The following SHISA9 variants were observed in gnomAD, a reference collection of about 807,000 sequenced individuals.
The protein encoded by SHISA9 is shisa family member 9.
Under a neutral mutation model 38.0 loss-of-function variants are expected in SHISA9, and 13 were observed. The observed-to-expected ratio is 0.34, with a 90% confidence interval of 0.22 to 0.54. The LOEUF (loss-of-function observed/expected upper bound fraction) is 0.54, where lower values mean the gene tolerates loss of function less well. Ranked by LOEUF, SHISA9 falls within the 20% of genes least tolerant of loss-of-function variation. The pLI is 0.91. For synonymous variants in SHISA9, 275 were observed against 242.0 expected (o/e 1.14, Z -1.27); for missense variants, 538 against 575.8 (o/e 0.93, Z 0.67).
chr16:13,418,093 G>A, the SHISA9 span, among the ~76,000 whole-genome samples: 1 of 152,162 alleles, frequency 6.6e-6, no homozygotes, highest in African/African-American at 2.4e-5. Flanking sequence ...TGGAGGGGAG[G>A]CCTAGCCTGA....
the SHISA9 span, among the ~76,000 whole-genome samples, chr16:13,291,601 C>T: frequency 6.6e-6 from 1 of 152,108 alleles, no homozygotes; most frequent in Non-Finnish European, 1.5e-5. Context: ...GTATGTAGAG[C>T]ATGTGATCAC....
At chr16:12,947,149 G>A (rs1457438838) in intron 2 of SHISA9, among the ~76,000 whole-genome samples, 1 of 152,194 alleles carries the variant, frequency 6.6e-6, no homozygotes, top group African/African-American at 2.4e-5. Flanking sequence ...AAATGGCGAG[G>A]TTTGGGTTAG....
chr16:13,184,243 C>G (rs16961293), intron 2 of SHISA9, among the ~76,000 whole-genome samples: 2 of 152,224 alleles, frequency 1.3e-5, no homozygotes, highest in East Asian at 3.9e-4. Flanking sequence ...CACCTGTAAA[C>G]GTCCTCACCT....
chr16:12,909,339 CTT>C, intron 1 of SHISA9: 2 of 985,432 alleles, frequency 2.0e-6, no homozygotes, highest in Non-Finnish European at 2.4e-6. Flanking sequence ...GCCCATTGCC[CTT>C]GCATTTTTGA....
chr16:12,951,825 A>G (rs992183382), intron 2 of SHISA9, among the ~76,000 whole-genome samples: 2 of 152,192 alleles, frequency 1.3e-5, no homozygotes, highest in Non-Finnish European at 2.9e-5. Context: ...GGAGCAGGGA[A>G]CTTCACTTCA....
chr16:13,212,116 C>A (rs893884003), intron 3 of SHISA9, among the ~76,000 whole-genome samples: 34 of 152,272 alleles, frequency 2.2e-4, no homozygotes, highest in African/African-American at 7.2e-4. Context: ...TAAATGGGGC[C>A]GGATCTGTGC....
chr16:13,306,732 G>A, the SHISA9 span, among the ~76,000 whole-genome samples: 1 of 152,164 alleles, frequency 6.6e-6, no homozygotes, highest in Non-Finnish European at 1.5e-5. Flanking sequence ...AAGAGCAAGA[G>A]AGTAACCAGG....
chr16:13,148,784 A>G lies in SHISA9; in HGVS notation c.692-54610A>G, dbSNP rs1158590451. Reference sequence around the variant, plus strand: ...AGGGATCATAATTCAACATTGAAAAATTGCCTGAGGCCACACACAATCCTA... The same window carrying G: ...AGGGATCATAATTCAACATTGAAAAGTTGCCTGAGGCCACACACAATCCTA... On this transcript the variant is annotated intron_variant, in intron 2 of 4. Transcript: ENST00000558583. 2.6e-5 allele frequency among the ~76,000 whole-genome samples: 4 copies of G among 151,896 alleles called. No individual in the cohort carries two copies. The East Asian group carries it at 7.8e-4, about 29-fold the overall frequency.
chr16:13,278,141 G>T, the SHISA9 span, among the ~76,000 whole-genome samples: 1 of 152,124 alleles, frequency 6.6e-6, no homozygotes, highest in South Asian at 2.1e-4. Context: ...GCTGGATTTT[G>T]TCGAATGCTT....
chr16:13,406,600 T>C, the SHISA9 span, among the ~76,000 whole-genome samples: 1 of 152,202 alleles, frequency 6.6e-6, no homozygotes. Context: ...CTACAACTTA[T>C]GAGTATGCAC....
downstream of SHISA9, among the ~76,000 whole-genome samples, chr16:13,243,669 T>C (rs1173864301): frequency 6.6e-6 from 1 of 151,954 alleles, no homozygotes; most frequent in Non-Finnish European, 1.5e-5. Context: ...ATGTTAATGT[T>C]GGACAGGTAT....
In SHISA9 at chr16:13,240,306, A is replaced by G. The variant is rs1308088931; in HGVS notation, c.*4897A>G. On this transcript the variant is annotated 3_prime_UTR_variant, in exon 5 of 5. Transcript: ENST00000558583. ...TATGATACGAATAATTCTTCCTACA[A>G]TGAAGAAAAAAACACATTTGTTTGT... The G allele has an allele frequency of 9.8e-5, 15 of 152,352 alleles. 1 individual carries two copies. In the East Asian group the frequency reaches 1.9e-3, roughly 20 times the overall value. 9.4% of individuals were successfully genotyped at this position (152,352 alleles called of 1,614,324 possible).
intron 2 of SHISA9, among the ~76,000 whole-genome samples, chr16:13,083,790 C>A (rs1272987559): frequency 6.6e-6 from 1 of 152,154 alleles, no homozygotes; most frequent in African/African-American, 2.4e-5. Flanking sequence ...GCCAATTTTC[C>A]ATAGACGAAG....
chr16:13,366,014 C>T, the SHISA9 span, among the ~76,000 whole-genome samples: 1 of 152,154 alleles, frequency 6.6e-6, no homozygotes, highest in Non-Finnish European at 1.5e-5. Flanking sequence ...TCTAGTTTGC[C>T]TGGAATTGAA....
chr16:13,279,952 T>C, the SHISA9 span, among the ~76,000 whole-genome samples: 2 of 151,882 alleles, frequency 1.3e-5, no homozygotes, highest in African/African-American at 4.8e-5. Context: ...TTTTGGTAAA[T>C]TGTGTCTTTG....
At chr16:13,426,074 T>C in the SHISA9 span, among the ~76,000 whole-genome samples, 1 of 152,192 alleles carries the variant, frequency 6.6e-6, no homozygotes, top group African/African-American at 2.4e-5. Context: ...CTGCTTGCCT[T>C]CTTCTTTTTC....
the SHISA9 span, among the ~76,000 whole-genome samples, chr16:13,492,047 C>G: frequency 6.6e-4 from 100 of 151,450 alleles, no homozygotes; most frequent in African/African-American, 2.1e-3. Flanking sequence ...AGATTCCAGA[C>G]CCCACCTTTG....
At chr16:13,053,651 G>C (rs550223645) in intron 2 of SHISA9, among the ~76,000 whole-genome samples, 1 of 151,798 alleles carries the variant, frequency 6.6e-6, no homozygotes, top group Non-Finnish European at 1.5e-5. Flanking sequence ...AGACCTCCCT[G>C]ATCTTTCTTC....
chr16:13,313,321 TATA>T, the SHISA9 span, among the ~76,000 whole-genome samples: 1 of 150,612 alleles, frequency 6.6e-6, no homozygotes, highest in African/African-American at 2.4e-5. Context: ...TTATTTATAG[TATA>T]ATGGTAATCA....
Sources: allele counts gnomAD v4.1 joint callset (sites outside exome capture counted in the v4.1 genomes callset), GRCh38; gene constraint gnomAD v4.1.1; transcripts MANE v1.5; gene names NCBI Gene and HGNC (gene_info 2026-07-23, HGNC 2026-07-21).